CALN1: variants seen among roughly 807,000 people sequenced by gnomAD.
CALN1 encodes the protein calcium-binding protein 8.
In CALN1, 17 loss-of-function variants were observed where a neutral mutation model predicts 30.6. That is an observed-to-expected ratio of 0.56 (90% confidence interval 0.38 to 0.83). CALN1 has a LOEUF of 0.83. Among genes scored for constraint, CALN1 ranks in the 40% least tolerant of loss-of-function variants. The pLI is 0.00. For missense variants in CALN1, 291 were observed against 354.9 expected (o/e 0.82, Z 1.45); for synonymous variants, 156 against 131.4 (o/e 1.19, Z -1.28).
chr7:72,013,648 C>A (rs963991153), intron 5 of CALN1, among the ~76,000 whole-genome samples: 1 of 151,908 alleles, frequency 6.6e-6, no homozygotes. Flanking sequence ...ACTTTTGTGC[C>A]AGTCAAAATA....
At chr7:72,337,013 G>C (rs1004751531) in intron 2 of CALN1, 1 of 985,558 alleles carries the variant, frequency 1.0e-6, no homozygotes, top group Non-Finnish European at 1.2e-6. Context: ...CTCGTCTGGG[G>C]ACGTGTGCCC....
At chr7:72,014,663 CTGTT>C (rs372175684) in intron 5 of CALN1, among the ~76,000 whole-genome samples, 10 of 152,066 alleles carry the variant, frequency 6.6e-5, no homozygotes, top group Admixed American at 2.0e-4. Context: ...GTTAGCTTTT[CTGTT>C]TGTTTACTTT....
chr7:72,195,038 G>T lies in CALN1; in HGVS notation c.244+83648C>A, dbSNP rs537663648. On this transcript the variant is annotated intron_variant, in intron 3 of 6. Coordinates refer to ENST00000395275, the MANE Select transcript of CALN1 (RefSeq NM_031468.4). Reference sequence around the variant, plus strand: ...TCTCCAGCTGTATTCCTTGCCTCTCGTCCCATCCTCAATCCTCAACATGAG... The same window carrying T: ...TCTCCAGCTGTATTCCTTGCCTCTCTTCCCATCCTCAATCCTCAACATGAG... 6.4e-4 allele frequency among the ~76,000 whole-genome samples: 97 copies of T among 152,086 alleles called. 1 individual carries two copies. The highest frequency in any genetic ancestry group is 1.3e-3 in the Non-Finnish European group (85 of 68,000).
chr7:72,212,253 G>T (rs1372768736), intron 3 of CALN1, among the ~76,000 whole-genome samples: 1 of 151,250 alleles, frequency 6.6e-6, no homozygotes, highest in Non-Finnish European at 1.5e-5. Context: ...GGAGGCTGAG[G>T]CAGGGGAATT....
intron 5 of CALN1, among the ~76,000 whole-genome samples, chr7:72,009,397 A>G (rs533825192): frequency 4.9e-4 from 74 of 152,364 alleles, no homozygotes; most frequent in African/African-American, 1.7e-3. Context: ...ATGGGCTACC[A>G]TGACAACTAA....
At chr7:72,116,850 C>A (rs1353734581) in intron 3 of CALN1, among the ~76,000 whole-genome samples, 1 of 152,128 alleles carries the variant, frequency 6.6e-6, no homozygotes, top group Non-Finnish European at 1.5e-5. Flanking sequence ...CAGGTACAGT[C>A]TCAAGAGGTC....
At chr7:71,855,452 CCA>C (rs1211196382) in intron 5 of CALN1, among the ~76,000 whole-genome samples, 2 of 152,004 alleles carry the variant, frequency 1.3e-5, no homozygotes, top group Non-Finnish European at 2.9e-5. Context: ...TAAGTATCCC[CCA>C]CCTCAACTTG....
At chr7:72,194,895 C>T (rs991279182) in intron 3 of CALN1, among the ~76,000 whole-genome samples, 1 of 151,834 alleles carries the variant, frequency 6.6e-6, no homozygotes, top group Non-Finnish European at 1.5e-5. Flanking sequence ...TTTATTCCTC[C>T]CCTCTATTCT....
chr7:72,323,811 A>AGGTG (rs1216079728), intron 2 of CALN1, among the ~76,000 whole-genome samples: 1 of 152,154 alleles, frequency 6.6e-6, no homozygotes, highest in Non-Finnish European at 1.5e-5. Context: ...TGGGAGGCTG[A>AGGTG]GGTGGGTGGA....
intron 5 of CALN1, among the ~76,000 whole-genome samples, chr7:71,952,457 C>T (rs778344876): frequency 5.8e-4 from 89 of 152,304 alleles, no homozygotes; most frequent in Non-Finnish European, 9.9e-4. Flanking sequence ...CACAAGGACT[C>T]GGCTCTGGGT....
intron 3 of CALN1, among the ~76,000 whole-genome samples, chr7:72,272,255 A>G (rs190929285): frequency 1.6e-3 from 238 of 152,198 alleles, no homozygotes; most frequent in Admixed American, 2.8e-3. Flanking sequence ...ACAGAAGAGT[A>G]TATCAGTATA....
chr7:72,103,762 G>A (rs374491078), intron 4 of CALN1, among the ~76,000 whole-genome samples: 3 of 150,912 alleles, frequency 2.0e-5, no homozygotes, highest in Admixed American at 6.6e-5. Flanking sequence ...TGGAAATGGA[G>A]GGGGGGGGAA....
At chr7:72,142,128 G>C (rs920395420) in intron 3 of CALN1, among the ~76,000 whole-genome samples, 4 of 152,132 alleles carry the variant, frequency 2.6e-5, no homozygotes, top group Admixed American at 6.5e-5. Context: ...AGTGGGTGCA[G>C]GACAGTGGGT....
intron 2 of CALN1, among the ~76,000 whole-genome samples, chr7:72,304,350 G>T (rs1351205247): frequency 6.6e-6 from 1 of 152,194 alleles, no homozygotes; most frequent in Non-Finnish European, 1.5e-5. Flanking sequence ...CATAAGGTTG[G>T]GCACAGTGGC....
chr7:72,483,956 C>T, the CALN1 span, among the ~76,000 whole-genome samples: 2 of 152,166 alleles, frequency 1.3e-5, no homozygotes, highest in East Asian at 1.9e-4. Flanking sequence ...GACAGAGTCT[C>T]GCCCTGTTGC....
chr7:72,356,543 A>C (rs1308050464), intron 2 of CALN1, among the ~76,000 whole-genome samples: 1 of 151,948 alleles, frequency 6.6e-6, no homozygotes, highest in Non-Finnish European at 1.5e-5. Flanking sequence ...ATAATAATAA[A>C]AGAATGTAAA....
At chr7:71,999,971 G>A (rs1799445491) in intron 5 of CALN1, among the ~76,000 whole-genome samples, 1 of 152,004 alleles carries the variant, frequency 6.6e-6, no homozygotes, top group East Asian at 1.9e-4. Context: ...AAGACACCAG[G>A]AAAACCTCTA....
chr7:71,880,118 T>A (rs1214580228), intron 5 of CALN1, among the ~76,000 whole-genome samples: 3 of 152,128 alleles, frequency 2.0e-5, no homozygotes, highest in Non-Finnish European at 2.9e-5. Flanking sequence ...GCCTGGGTGA[T>A]GGAGCAGGAT....
At chr7:71,807,746 C>T (rs1787703252) in intron 6 of CALN1, among the ~76,000 whole-genome samples, 1 of 151,974 alleles carries the variant, frequency 6.6e-6, no homozygotes, top group African/African-American at 2.4e-5. Context: ...TCAAGACCAG[C>T]CTGGCTAACA....
Sources: allele counts gnomAD v4.1 joint callset (sites outside exome capture counted in the v4.1 genomes callset), GRCh38; gene constraint gnomAD v4.1.1; transcripts MANE v1.5; gene names NCBI Gene and HGNC (gene_info 2026-07-23, HGNC 2026-07-21).